COL14A1: variants seen among roughly 807,000 people sequenced by gnomAD.
COL14A1 encodes the protein collagen type XIV alpha 1 chain.
COL14A1 carries 136 observed loss-of-function variants against 230.3 expected under a neutral mutation model. That is an observed-to-expected ratio of 0.59 (90% CI 0.51 to 0.68). The LOEUF (loss-of-function observed/expected upper bound fraction) is 0.68, where lower values mean the gene tolerates loss of function less well. Ranked by LOEUF, COL14A1 falls within the 30% of genes least tolerant of loss-of-function variation. The probability of loss-of-function intolerance (pLI) is 0.00; values close to 1 mark genes in which losing one functional copy is unlikely to be tolerated. For missense variants in COL14A1, 1,976 were observed against 2,215.8 expected (o/e 0.89, Z 2.17); for synonymous variants, 792 against 784.1 (o/e 1.01, Z -0.17).
intron 27 of COL14A1, 44 bp downstream of exon 27, chr8:120,278,278 A>G: frequency 6.4e-7 from 1 of 1,557,670 alleles, no homozygotes; most frequent in South Asian, 1.3e-5. Flanking sequence ...GTAATTCATT[A>G]TTTGTAACTA....
At chr8:120,364,418 G>A (rs962879972) in intron 45 of COL14A1, among the ~76,000 whole-genome samples, 2 of 151,984 alleles carry the variant, frequency 1.3e-5, no homozygotes, top group African/African-American at 4.8e-5. Flanking sequence ...CCTCATCTAA[G>A]GTACTTAAAT....
intron 1 of COL14A1, among the ~76,000 whole-genome samples, chr8:120,147,048 C>T (rs1183862588): frequency 6.6e-6 from 1 of 151,702 alleles, no homozygotes; most frequent in Admixed American, 6.6e-5. Flanking sequence ...TTTCCTTTCC[C>T]TTTCTTTCCC....
At chr8:120,152,571 A>C (rs28434153) in intron 2 of COL14A1, among the ~76,000 whole-genome samples, 1,636 of 152,202 alleles carry the variant, frequency 0.011, 27 homozygotes, top group African/African-American at 0.036. Context: ...TCTCCATGGA[A>C]TATTTTATGA....
chr8:120,206,906 G>T (rs1226631995), intron 9 of COL14A1, 37 bp from the exon 10 acceptor site: 2 of 1,552,162 alleles, frequency 1.3e-6, no homozygotes, highest in South Asian at 1.2e-5. Context: ...AAATAACTTT[G>T]GGTAAGAGGT....
chr8:120,194,435 C>T (rs977681674), intron 5 of COL14A1, among the ~76,000 whole-genome samples: 14 of 152,144 alleles, frequency 9.2e-5, no homozygotes, highest in Admixed American at 3.3e-4. Context: ...TTGACCATAC[C>T]CCACACTTAT....
chr8:120,189,019 T>C (rs144057719), intron 5 of COL14A1, among the ~76,000 whole-genome samples: 313 of 152,360 alleles, frequency 2.1e-3, no homozygotes, highest in African/African-American at 7.1e-3. Context: ...TGGAGAGTAA[T>C]GTTGTCTTCA....
chr8:120,247,162 G>T (rs1458147845), intron 20 of COL14A1, among the ~76,000 whole-genome samples: 1 of 152,204 alleles, frequency 6.6e-6, no homozygotes, highest in Non-Finnish European at 1.5e-5. Flanking sequence ...GGTGGCTCAC[G>T]CCTGTAATCC....
In COL14A1 at chr8:120,250,739, G is replaced by A. The variant is rs374607598; in HGVS notation, c.2725G>A (p.Asp909Asn). 44 of 1,614,036 alleles carry A rather than the reference G, an allele frequency of 2.7e-5. 1 individual carries two copies. In the South Asian group the frequency reaches 3.1e-4, roughly 11 times the overall value. The change falls in exon 22 of 48, where the codon GAC becomes AAC. Residue 909 changes from aspartate to asparagine, a missense_variant. Asp to Asn is a conservative substitution (Grantham distance 23). Transcript: ENST00000297848. ...TGCCTCCCAGGCCTCAGGCTTCAGCGACGCCCTGACAGGCATGGTGAAAAC... is the reference window on the plus strand; with the variant it reads ...TGCCTCCCAGGCCTCAGGCTTCAGCAACGCCCTGACAGGCATGGTGAAAAC... The part of the protein sequence containing the change: ...IFASQASGFS[D>N]ALTGMVKTLF...
intron 4 of COL14A1, among the ~76,000 whole-genome samples, chr8:120,163,324 G>A (rs1391213973): frequency 6.6e-6 from 1 of 152,176 alleles, no homozygotes; most frequent in Non-Finnish European, 1.5e-5. Flanking sequence ...CTTCATGTTT[G>A]AGCCAGTTCT....
At position 120,262,734 on chromosome 8, in the gene COL14A1, C is replaced by T. The variant is rs79538196; in HGVS notation, c.2870-134C>T. The T allele has an allele frequency of 4.2e-3, 3,278 of 777,070 alleles. 95 individuals carry two copies. In the African/African-American group the frequency reaches 0.054, roughly 13 times the overall value. 48.1% of individuals were successfully genotyped at this position (777,070 alleles called of 1,614,324 possible). A position where few individuals can be genotyped will look rare whatever the true frequency, so the allele number is the denominator to read the frequency against. Reference sequence around the variant, plus strand: ...TTGGAAGAAGATACAATACTTCAAACAAATATAACTCATTCTGGAGTTATC... The same window carrying T: ...TTGGAAGAAGATACAATACTTCAAATAAATATAACTCATTCTGGAGTTATC... On this transcript the variant is annotated intron_variant, in intron 23 of 47. Transcript: ENST00000297848.
intron 32 of COL14A1, among the ~76,000 whole-genome samples, chr8:120,285,450 C>T (rs4871055): frequency 0.64 from 83,200 of 130,438 alleles, 26,445 homozygotes; most frequent in African/African-American, 0.75. Flanking sequence ...GGTGACAGAG[C>T]GAGACTCCAT....
chr8:120,138,933 T>A (rs1022214264), intron 1 of COL14A1, among the ~76,000 whole-genome samples: 1 of 152,200 alleles, frequency 6.6e-6, no homozygotes, highest in South Asian at 2.1e-4. Context: ...ATATATAAAA[T>A]GTGGAGTTGA....
At chr8:120,313,637 TG>T in intron 37 of COL14A1, among the ~76,000 whole-genome samples, 1 of 152,152 alleles carries the variant, frequency 6.6e-6, no homozygotes, top group African/African-American at 2.4e-5. Context: ...TTATGGAGTG[TG>T]GGGGGTCTCA....
intron 2 of COL14A1, among the ~76,000 whole-genome samples, chr8:120,153,400 G>T (rs549734899): frequency 4.0e-4 from 61 of 152,204 alleles, no homozygotes; most frequent in African/African-American, 1.4e-3. Flanking sequence ...GCCCAGGCTG[G>T]TCTCAAACTC....
intron 33 of COL14A1, among the ~76,000 whole-genome samples, chr8:120,287,737 AG>A (rs1290362824): frequency 1.3e-5 from 2 of 152,186 alleles, no homozygotes; most frequent in African/African-American, 4.8e-5. Flanking sequence ...AATTCAAAAA[AG>A]GCTTCTCATG....
intron 5 of COL14A1, among the ~76,000 whole-genome samples, chr8:120,189,635 T>TC (rs1331248761): frequency 2.5e-5 from 2 of 78,998 alleles, no homozygotes; most frequent in African/African-American, 1.0e-4. Context: ...CCCTCCCCCC[T>TC]CCCCCGACCC....
intron 5 of COL14A1, among the ~76,000 whole-genome samples, chr8:120,171,263 ATTAAC>A (rs1486479861): frequency 4.6e-5 from 7 of 152,194 alleles, no homozygotes; most frequent in African/African-American, 1.4e-4. Flanking sequence ...TGACAAATAC[ATTAAC>A]TTATTTTTTG....
chr8:120,288,256 A>G (rs781493349), intron 33 of COL14A1, among the ~76,000 whole-genome samples: 34 of 152,128 alleles, frequency 2.2e-4, no homozygotes, highest in Non-Finnish European at 4.1e-4. Flanking sequence ...TATTCCATCA[A>G]TGTTTCCATA....
intron 36 of COL14A1, among the ~76,000 whole-genome samples, chr8:120,307,331 T>TGCAGATC (rs1820885392): frequency 6.6e-6 from 1 of 152,232 alleles, no homozygotes. Flanking sequence ...TATATGGCAC[T>TGCAGATC]TGATAGTGGC....
Sources: gnomAD v4.1 joint callset for allele counts (sites outside exome capture counted in the v4.1 genomes callset) on GRCh38, gnomAD v4.1.1 for gene constraint, MANE v1.5 for transcripts, NCBI Gene and HGNC (gene_info 2026-07-23, HGNC 2026-07-21) for gene names.